MTA3: variants seen among roughly 807,000 people sequenced by gnomAD.
MTA3 encodes the protein metastasis associated 1 family member 3, also known as metastasis-associated protein MTA3.
MTA3 carries 34 observed loss-of-function variants against 83.5 expected under a neutral mutation model. The observed-to-expected ratio is 0.41, with a 90% CI of 0.31 to 0.54. The LOEUF (loss-of-function observed/expected upper bound fraction) is 0.54, where lower values mean the gene tolerates loss of function less well. MTA3 is among the 20% of genes least tolerant of loss of function. MTA3 has a pLI of 0.33. For synonymous variants in MTA3, 303 were observed against 252.7 expected, an observed-to-expected ratio of 1.20 and a Z score of -1.89; for missense variants, 761 against 726.4, an observed-to-expected ratio of 1.05 and a Z score of -0.55.
chr2:42,748,171 G>A (rs1016484751), intron 16 of MTA3, among the ~76,000 whole-genome samples: 1 of 150,492 alleles, frequency 6.6e-6, no homozygotes, highest in African/African-American at 2.5e-5. Context: ...TGGGACTACA[G>A]GCATGTGCCA....
chr2:42,594,721 T>TAC, intron 3 of MTA3, among the ~76,000 whole-genome samples: 1 of 36,568 alleles, frequency 2.7e-5, no homozygotes, highest in South Asian at 2.1e-3. Flanking sequence ...TATATATATA[T>TAC]ATATATATTT....
At chr2:42,743,370 C>G (rs911109268) in intron 16 of MTA3, among the ~76,000 whole-genome samples, 1 of 152,184 alleles carries the variant, frequency 6.6e-6, no homozygotes, top group African/African-American at 2.4e-5. Flanking sequence ...GTGCTCTTAA[C>G]CTTTTTCCAA....
chr2:42,638,754 A>C (rs1467525379), intron 4 of MTA3, among the ~76,000 whole-genome samples: 3 of 151,694 alleles, frequency 2.0e-5, no homozygotes, highest in African/African-American at 7.3e-5. Context: ...AATATGTTAG[A>C]AAAAAAGAAA....
At chr2:42,585,260 G>A (rs1325426677) in intron 3 of MTA3, among the ~76,000 whole-genome samples, 1 of 151,422 alleles carries the variant, frequency 6.6e-6, no homozygotes, top group Non-Finnish European at 1.5e-5. Flanking sequence ...GGCTAATTTT[G>A]TATTTTTAGT....
intron 2 of MTA3, among the ~76,000 whole-genome samples, chr2:42,526,006 C>G (rs189747507): frequency 1.4e-4 from 22 of 152,194 alleles, no homozygotes; most frequent in African/African-American, 5.3e-4. Flanking sequence ...AAAGAACCCC[C>G]TCGTTAATGC....
intron 16 of MTA3, among the ~76,000 whole-genome samples, chr2:42,736,280 C>G (rs1005889458): frequency 6.6e-6 from 1 of 152,196 alleles, no homozygotes; most frequent in Non-Finnish European, 1.5e-5. Context: ...TTCACTCAAA[C>G]AAATGGACAC....
intron 2 of MTA3, among the ~76,000 whole-genome samples, chr2:42,574,017 T>G (rs1420867318): frequency 6.6e-6 from 1 of 151,332 alleles, no homozygotes; most frequent in Non-Finnish European, 1.5e-5. Context: ...TATTATTTAT[T>G]AGTAGAGATG....
intron 11 of MTA3, chr2:42,703,502 C>T (rs1441226470): frequency 6.6e-6 from 1 of 152,272 alleles, no homozygotes; most frequent in African/African-American, 2.4e-5. Context: ...GAGTGGCTTT[C>T]TCGAAACACA....
At chr2:42,729,222 C>T (rs1445965893) in intron 16 of MTA3, among the ~76,000 whole-genome samples, 4 of 150,686 alleles carry the variant, frequency 2.7e-5, no homozygotes, top group African/African-American at 4.9e-5. Context: ...TCAGCCTACC[C>T]AGTAGCTGGG....
chr2:42,628,510 A>G (rs533674826), intron 4 of MTA3, among the ~76,000 whole-genome samples: 2 of 152,212 alleles, frequency 1.3e-5, no homozygotes, highest in Non-Finnish European at 2.9e-5. Context: ...GTGGGATTAC[A>G]GGCGTGAGCC....
chr2:42,650,999 C>A (rs1040862669), intron 6 of MTA3, among the ~76,000 whole-genome samples: 1 of 152,134 alleles, frequency 6.6e-6, no homozygotes, highest in Non-Finnish European at 1.5e-5. Flanking sequence ...TAGATAGGTG[C>A]AGCTTACTAA....
At chr2:42,499,164 G>C (rs1674281269) in intron 2 of MTA3, among the ~76,000 whole-genome samples, 1 of 151,504 alleles carries the variant, frequency 6.6e-6, no homozygotes, top group South Asian at 2.1e-4. Flanking sequence ...TTGCTAAGAG[G>C]GTAGATCTTT....
intron 2 of MTA3, chr2:42,495,359 C>A (rs1674083965): frequency 6.6e-6 from 1 of 152,244 alleles, no homozygotes; most frequent in Non-Finnish European, 1.5e-5. Flanking sequence ...CTTAAGAGCA[C>A]TAAATGTGAT....
At chr2:42,679,329 C>T (rs1691659527) in intron 8 of MTA3, among the ~76,000 whole-genome samples, 1 of 152,174 alleles carries the variant, frequency 6.6e-6, no homozygotes, top group Non-Finnish European at 1.5e-5. Flanking sequence ...CTGTGCTCAA[C>T]TAAGGCGGGG....
intron 12 of MTA3, among the ~76,000 whole-genome samples, chr2:42,707,015 A>G (rs1476303547): frequency 1.1e-5 from 1 of 91,530 alleles, no homozygotes. Context: ...TCTGTAACCC[A>G]GGCTGGAATG....
intron 4 of MTA3, among the ~76,000 whole-genome samples, chr2:42,624,180 TG>T (rs1685855463): frequency 6.6e-6 from 1 of 152,182 alleles, no homozygotes; most frequent in Non-Finnish European, 1.5e-5. Flanking sequence ...GACTTTTCTT[TG>T]TTTAGTATTT....
At chr2:42,671,357 C>G (rs908274274) in intron 8 of MTA3, among the ~76,000 whole-genome samples, 6 of 151,872 alleles carry the variant, frequency 4.0e-5, no homozygotes, top group Admixed American at 3.9e-4. Flanking sequence ...ATATGTATCA[C>G]ATAACCTTTT....
intron 2 of MTA3, among the ~76,000 whole-genome samples, chr2:42,553,340 C>G (rs1354690273): frequency 6.7e-6 from 1 of 150,108 alleles, no homozygotes; most frequent in South Asian, 2.1e-4. Context: ...AGGAGAATGG[C>G]GTGAACCCTG....
chr2:42,649,756 C>T (rs1254380756), intron 6 of MTA3, among the ~76,000 whole-genome samples: 5 of 152,258 alleles, frequency 3.3e-5, no homozygotes, highest in African/African-American at 1.2e-4. Flanking sequence ...CTTTGAGTTA[C>T]AGATGAAGAG....
Sources: gnomAD v4.1 joint callset for allele counts (sites outside exome capture counted in the v4.1 genomes callset) on GRCh38, gnomAD v4.1.1 for gene constraint, MANE v1.5 for transcripts, NCBI Gene and HGNC (gene_info 2026-07-23, HGNC 2026-07-21) for gene names.